AGPS: variants seen among roughly 807,000 people sequenced by gnomAD.
The protein encoded by AGPS is alkylglycerone phosphate synthase.
AGPS carries 26 observed loss-of-function variants against 90.7 expected under a neutral mutation model. The observed-to-expected ratio is 0.29, with a 90% confidence interval of 0.21 to 0.40. The LOEUF (loss-of-function observed/expected upper bound fraction) is 0.40. Among genes scored for constraint, AGPS ranks in the 10% least tolerant of loss-of-function variants. The pLI is 1.00. For synonymous variants in AGPS, 294 were observed against 285.3 expected (o/e 1.03, Z -0.31); for missense variants, 540 against 816.1 (o/e 0.66, Z 4.12).
chr2:177,492,526 A>G (rs1688295765), intron 11 of AGPS, among the ~76,000 whole-genome samples: 1 of 152,214 alleles, frequency 6.6e-6, no homozygotes, highest in South Asian at 2.1e-4. Context: ...CAGGTAGTAC[A>G]TTTCTTTAAC....
chr2:177,450,437 T>C (rs939507689), intron 8 of AGPS, among the ~76,000 whole-genome samples: 1 of 152,232 alleles, frequency 6.6e-6, no homozygotes, highest in Admixed American at 6.5e-5. Context: ...AGGTCTCTAA[T>C]CAGTTTTGAA....
chr2:177,491,461 G>C (rs1446059470), intron 11 of AGPS, among the ~76,000 whole-genome samples: 1 of 133,636 alleles, frequency 7.5e-6, no homozygotes, highest in Admixed American at 7.8e-5. Flanking sequence ...ATTTTTAGTA[G>C]AGATGGGGTT....
Position 177,508,021 on chromosome 2 carries a change from C to A in AGPS, c.1597C>A (p.Pro533Thr), listed in dbSNP as rs886055167. 2 of 1,611,510 alleles carry A rather than the reference C, an allele frequency of 1.2e-6. No individual in the cohort carries two copies. Among genetic ancestry groups the A allele is most frequent in the Non-Finnish European group, 8.5e-7 (1 of 1,177,836 alleles). ...VLGESFETSAPWDRVVDLCRN... is the reference protein window; with the variant it reads ...VLGESFETSATWDRVVDLCRN... ...AGGAGAATCTTTTGAGACTTCTGCT[C>A]CTTGGGACAGGTAAAATATACTAAA... Residue 533 changes from proline (P) to threonine (T), a missense_variant, in exon 16 of 20, where the codon CCT becomes ACT. Around this residue, in one of 2 missense-constraint regions of AGPS, gnomAD observed 405 missense variants for 692.1 expected, o/e 0.59. Coordinates refer to ENST00000264167, the MANE Select transcript of AGPS (RefSeq NM_003659.4).
At chr2:177,425,729 C>G (rs1482493672) in intron 2 of AGPS, among the ~76,000 whole-genome samples, 1 of 150,118 alleles carries the variant, frequency 6.7e-6, no homozygotes, top group Non-Finnish European at 1.5e-5. Flanking sequence ...TCTGGGATCT[C>G]TATTCTTTTC....
intron 6 of AGPS, 63 bp downstream of exon 6, chr2:177,441,099 T>A: frequency 7.5e-7 from 1 of 1,331,174 alleles, no homozygotes; most frequent in Non-Finnish European, 1.1e-6. Context: ...ATTTGTATTT[T>A]AAATATTTGC....
chr2:177,396,997 G>A (rs182898921), intron 1 of AGPS, among the ~76,000 whole-genome samples: 4 of 148,666 alleles, frequency 2.7e-5, no homozygotes, highest in Non-Finnish European at 5.9e-5. Flanking sequence ...AGAGTGAAGT[G>A]GCGCGATCTC....
chr2:177,507,573 T>C (rs1443297200), intron 15 of AGPS, among the ~76,000 whole-genome samples: 1 of 152,210 alleles, frequency 6.6e-6, no homozygotes, highest in African/African-American at 2.4e-5. Flanking sequence ...TTCTTGATCT[T>C]CCTACTCCTT....
intron 11 of AGPS, among the ~76,000 whole-genome samples, chr2:177,490,312 A>G (rs947117043): frequency 6.6e-6 from 1 of 152,198 alleles, no homozygotes; most frequent in Non-Finnish European, 1.5e-5. Context: ...AAACCAACCT[A>G]GATGCTATTT....
chr2:177,403,832 A>G (rs988628581), intron 1 of AGPS, among the ~76,000 whole-genome samples: 6 of 152,194 alleles, frequency 3.9e-5, no homozygotes, highest in African/African-American at 1.4e-4. Flanking sequence ...GAAGTATTGT[A>G]TTATATGTAG....
chr2:177,443,997 G>A (rs1175907984), intron 7 of AGPS, among the ~76,000 whole-genome samples: 2 of 151,566 alleles, frequency 1.3e-5, no homozygotes, highest in African/African-American at 4.9e-5. Flanking sequence ...TCTGTTGGGG[G>A]AGAAGATATA....
intron 17 of AGPS, among the ~76,000 whole-genome samples, chr2:177,515,118 C>T (rs1294735917): frequency 3.3e-5 from 5 of 151,020 alleles, no homozygotes; most frequent in Non-Finnish European, 5.9e-5. Context: ...AAGCTAATGT[C>T]GACATAGTGG....
At chr2:177,399,563 T>C (rs1030469910) in intron 1 of AGPS, among the ~76,000 whole-genome samples, 2 of 152,150 alleles carry the variant, frequency 1.3e-5, no homozygotes, top group Non-Finnish European at 2.9e-5. Flanking sequence ...ATATTTACCC[T>C]GAATTACACT....
At chr2:177,479,619 T>C (rs1687884613) in intron 10 of AGPS, among the ~76,000 whole-genome samples, 1 of 152,204 alleles carries the variant, frequency 6.6e-6, no homozygotes, top group Admixed American at 6.5e-5. Flanking sequence ...ATACATGCTA[T>C]AGCATGGATG....
intron 8 of AGPS, among the ~76,000 whole-genome samples, chr2:177,449,930 C>T (rs1005683111): frequency 1.7e-4 from 26 of 151,344 alleles, no homozygotes; most frequent in African/African-American, 4.6e-4. Context: ...CTCCGCCTCC[C>T]GGGTTCATGC....
At chr2:177,433,792 C>T (rs772554122) in intron 2 of AGPS, among the ~76,000 whole-genome samples, 28 of 151,974 alleles carry the variant, frequency 1.8e-4, no homozygotes, top group Non-Finnish European at 3.2e-4. Context: ...TTAAGCTTAA[C>T]TGGGCTGCCT....
chr2:177,501,691 G>T (rs1230226201), intron 14 of AGPS, among the ~76,000 whole-genome samples: 1 of 151,972 alleles, frequency 6.6e-6, no homozygotes, highest in Admixed American at 6.6e-5. Context: ...GTTTTGAGAC[G>T]GAGTCTTGCT....
chr2:177,499,783 A>G lies in AGPS; in HGVS notation c.1475+53A>G, dbSNP rs552049948. ...AGAAAGAGTTAAAAGCTAAGATTCTAATATCACCAAGCAATTATTAAAGTA... is the reference window on the plus strand; with the variant it reads ...AGAAAGAGTTAAAAGCTAAGATTCTGATATCACCAAGCAATTATTAAAGTA... On this transcript the variant is annotated intron_variant, in intron 14 of 19. Transcript: ENST00000264167. 22 of 1,179,358 alleles carry G rather than the reference A, an allele frequency of 1.9e-5. No homozygotes were observed. The East Asian group carries it at 4.9e-4, about 26-fold the overall frequency. 73.1% of individuals were successfully genotyped at this position (1,179,358 alleles called of 1,614,324 possible). A position where few individuals can be genotyped will look rare whatever the true frequency, so the allele number is the denominator to read the frequency against.
chr2:177,420,775 T>G (rs933393820), intron 2 of AGPS, among the ~76,000 whole-genome samples: 1 of 151,812 alleles, frequency 6.6e-6, no homozygotes, highest in Non-Finnish European at 1.5e-5. Flanking sequence ...TGCCATTCAG[T>G]TTTTTGAAAG....
chr2:177,409,488 G>A (rs1001622754), intron 1 of AGPS, among the ~76,000 whole-genome samples: 1 of 151,556 alleles, frequency 6.6e-6, no homozygotes, highest in Non-Finnish European at 1.5e-5. Flanking sequence ...TACAAGCCCC[G>A]TGTTTAAAGG....
Sources: allele counts gnomAD v4.1 joint callset (sites outside exome capture counted in the v4.1 genomes callset), GRCh38; gene constraint gnomAD v4.1.1; regional missense constraint gnomAD v4.1.1; transcripts MANE v1.5; gene names NCBI Gene and HGNC (gene_info 2026-07-23, HGNC 2026-07-21).